DLG2: variants seen among roughly 807,000 people sequenced by gnomAD.
The protein encoded by DLG2 is discs large MAGUK scaffold protein 2.
In DLG2, 45 loss-of-function variants were observed where a neutral mutation model predicts 132.5. That is an observed-to-expected ratio of 0.34 (90% CI 0.27 to 0.44). The LOEUF is 0.44. Ranked by LOEUF, DLG2 falls within the 20% of genes least tolerant of loss-of-function variation. The pLI is 1.00. For synonymous variants in DLG2, 424 were observed against 419.6 expected (o/e 1.01, Z -0.13); for missense variants, 1,045 against 1,196.9 (o/e 0.87, Z 1.87).
At chr11:84,614,061 G>A (rs1476937667) in intron 6 of DLG2, among the ~76,000 whole-genome samples, 1 of 152,304 alleles carries the variant, frequency 6.6e-6, no homozygotes, top group East Asian at 1.9e-4. Context: ...CAGTTTCAGT[G>A]AAGTAAGATA....
intron 6 of DLG2, among the ~76,000 whole-genome samples, chr11:84,813,925 G>C (rs2076834810): frequency 6.6e-6 from 1 of 152,004 alleles, no homozygotes; most frequent in African/African-American, 2.4e-5. Context: ...TTTGGAAATA[G>C]GATGGTGCTC....
chr11:85,039,854 T>A (rs1371671339), intron 6 of DLG2, among the ~76,000 whole-genome samples: 3 of 151,922 alleles, frequency 2.0e-5, no homozygotes, highest in Non-Finnish European at 4.4e-5. Context: ...GTAAGACTCT[T>A]TAAATTTTGG....
intron 3 of DLG2, among the ~76,000 whole-genome samples, chr11:85,543,688 G>A (rs550463884): frequency 1.3e-5 from 2 of 152,118 alleles, no homozygotes; most frequent in South Asian, 2.1e-4. Context: ...TCTAACTGTC[G>A]TGAGATGGTA....
intron 6 of DLG2, among the ~76,000 whole-genome samples, chr11:84,555,015 G>A (rs2099409240): frequency 6.6e-6 from 1 of 152,058 alleles, no homozygotes; most frequent in African/African-American, 2.4e-5. Context: ...GAAGAGGGGT[G>A]AGTGAAGCAA....
At chr11:84,787,594 T>G (rs2073130333) in intron 6 of DLG2, among the ~76,000 whole-genome samples, 1 of 152,154 alleles carries the variant, frequency 6.6e-6, no homozygotes, top group Non-Finnish European at 1.5e-5. Flanking sequence ...GTATGGCAAT[T>G]ATGCACCTAT....
chr11:84,137,596 CACAAG>C (rs1449320921), intron 9 of DLG2, among the ~76,000 whole-genome samples: 1 of 152,116 alleles, frequency 6.6e-6, no homozygotes, highest in Non-Finnish European at 1.5e-5. Context: ...ATTTTGATCA[CACAAG>C]ACAAGTCTCT....
chr11:84,496,119 A>G (rs1397924485), intron 7 of DLG2, among the ~76,000 whole-genome samples: 1 of 152,164 alleles, frequency 6.6e-6, no homozygotes, highest in African/African-American at 2.4e-5. Context: ...GGTTCATCAT[A>G]GGCAATAAGT....
intron 7 of DLG2, among the ~76,000 whole-genome samples, chr11:84,512,130 G>C (rs552673437): frequency 6.6e-6 from 1 of 152,098 alleles, no homozygotes; most frequent in African/African-American, 2.4e-5. Context: ...TTACATATAA[G>C]CAACAGACCA....
intron 3 of DLG2, among the ~76,000 whole-genome samples, chr11:85,378,024 T>C (rs1447038069): frequency 6.6e-6 from 1 of 151,950 alleles, no homozygotes; most frequent in East Asian, 1.9e-4. Context: ...TGTTCCCACA[T>C]ATTTTCTTCA....
At chr11:85,289,223 T>C (rs777455382) in intron 3 of DLG2, among the ~76,000 whole-genome samples, 21 of 152,268 alleles carry the variant, frequency 1.4e-4, no homozygotes, top group Middle Eastern at 3.4e-3. Context: ...TATTTTTTAA[T>C]AATTGACATA....
chr11:83,548,896 C>T (rs1479177622), intron 19 of DLG2, among the ~76,000 whole-genome samples: 2 of 152,158 alleles, frequency 1.3e-5, no homozygotes, highest in Non-Finnish European at 2.9e-5. Flanking sequence ...TATGTCTTAT[C>T]TCCTTTACTA....
At chr11:85,196,524 T>A (rs1022117569) in intron 4 of DLG2, among the ~76,000 whole-genome samples, 8 of 152,316 alleles carry the variant, frequency 5.3e-5, no homozygotes, top group Admixed American at 1.3e-4. Flanking sequence ...AGTCCCACTA[T>A]AACCAATTTC....
At chr11:83,566,002 T>TA (rs1350333806) in intron 19 of DLG2, among the ~76,000 whole-genome samples, 1 of 152,190 alleles carries the variant, frequency 6.6e-6, no homozygotes, top group African/African-American at 2.4e-5. Context: ...CATGAAGTCC[T>TA]ACTGGTTGGA....
At chr11:84,543,877 G>A (rs2099384254) in intron 6 of DLG2, among the ~76,000 whole-genome samples, 1 of 152,066 alleles carries the variant, frequency 6.6e-6, no homozygotes, top group African/African-American at 2.4e-5. Flanking sequence ...CAAAGAACAG[G>A]ACAAGCCAGG....
At chr11:83,697,694 C>A (rs2082171404) in intron 18 of DLG2, among the ~76,000 whole-genome samples, 1 of 152,078 alleles carries the variant, frequency 6.6e-6, no homozygotes, top group African/African-American at 2.4e-5. Flanking sequence ...CTACTAGCAG[C>A]CTGGCCAAGA....
intron 18 of DLG2, among the ~76,000 whole-genome samples, chr11:83,704,008 T>C (rs2153648771): frequency 6.6e-6 from 1 of 152,348 alleles, no homozygotes; most frequent in South Asian, 2.1e-4. Context: ...GACTACCATG[T>C]ACAATAAAAT....
chr11:83,733,830 G>T (rs2091440632), intron 18 of DLG2, among the ~76,000 whole-genome samples: 1 of 152,164 alleles, frequency 6.6e-6, no homozygotes, highest in Non-Finnish European at 1.5e-5. Context: ...GATATATTGT[G>T]AAGTGGAGAA....
At chr11:83,837,588 G>A (rs890623269) in intron 16 of DLG2, among the ~76,000 whole-genome samples, 12 of 151,752 alleles carry the variant, frequency 7.9e-5, no homozygotes, top group East Asian at 1.9e-4. Flanking sequence ...AAAGTTTTCC[G>A]GTTCTATTAG....
Position 84,546,602 on chromosome 11 carries a change from C to T in DLG2, c.358-11871G>A, listed in dbSNP as rs372020520. 316 of 489,262 alleles carry T rather than the reference C, an allele frequency of 6.5e-4. 7 individuals carry two copies. The highest frequency in any genetic ancestry group is 5.2e-3 in the South Asian group (312 of 60,336). The allele number at this position is 489,262 out of a possible 1,614,324, so 30.3% of individuals were successfully genotyped here. A position where few individuals can be genotyped will look rare whatever the true frequency, so the allele number is the denominator to read the frequency against. ...GACAACTGTCTTTGGTTCCACGACTCTCTCATACCTCATGTAGCATGGCAT... is the reference window on the plus strand; with the variant it reads ...GACAACTGTCTTTGGTTCCACGACTTTCTCATACCTCATGTAGCATGGCAT... On this transcript the variant is annotated intron_variant, in intron 6 of 27. Transcript: ENST00000376104.
Sources: gnomAD v4.1 joint callset for allele counts (sites outside exome capture counted in the v4.1 genomes callset) on GRCh38, gnomAD v4.1.1 for gene constraint, MANE v1.5 for transcripts, NCBI Gene and HGNC (gene_info 2026-07-23, HGNC 2026-07-21) for gene names.